Variants in PDE1C observed in about 807,000 individuals in gnomAD.
The protein encoded by PDE1C is dual specificity calcium/calmodulin-dependent 3',5'-cyclic nucleotide phosphodiesterase 1C.
A neutral mutation model predicts 93.1 loss-of-function variants in PDE1C; 62 were observed. The ratio of observed to expected loss-of-function variants is 0.67; its 90% CI spans 0.54 to 0.82. The LOEUF (loss-of-function observed/expected upper bound fraction) is 0.82. Among genes scored for constraint, PDE1C ranks in the 40% least tolerant of loss-of-function variants. The pLI, the probability that PDE1C is intolerant of heterozygous loss-of-function variation, is 0.00. For synonymous variants in PDE1C, 325 were observed against 310.1 expected (o/e 1.05, Z -0.50); for missense variants, 742 against 884.6 (o/e 0.84, Z 2.04).
At chr7:32,216,912 C>T (rs1806473556) in intron 1 of PDE1C, among the ~76,000 whole-genome samples, 1 of 152,168 alleles carries the variant, frequency 6.6e-6, no homozygotes, top group Admixed American at 6.5e-5. Context: ...GCCTTTATGC[C>T]TCTAGCCCCA....
chr7:31,663,591 G>A, the PDE1C span, among the ~76,000 whole-genome samples: 1 of 152,142 alleles, frequency 6.6e-6, no homozygotes, highest in Non-Finnish European at 1.5e-5. Context: ...CTCTCCTCCA[G>A]TTGACCTGCT....
intron 2 of PDE1C, among the ~76,000 whole-genome samples, chr7:31,916,883 G>A (rs1234031046): frequency 6.6e-6 from 1 of 152,188 alleles, no homozygotes; most frequent in Non-Finnish European, 1.5e-5. Flanking sequence ...ATGGACTGGA[G>A]GTCCCCACCA....
chr7:31,648,111 T>G, the PDE1C span, among the ~76,000 whole-genome samples: 1 of 152,146 alleles, frequency 6.6e-6, no homozygotes, highest in South Asian at 2.1e-4. Context: ...TTTCTGAATA[T>G]TAGAAGTGCT....
chr7:31,980,285 T>G (rs571157450), intron 2 of PDE1C, among the ~76,000 whole-genome samples: 1 of 152,338 alleles, frequency 6.6e-6, no homozygotes, highest in African/African-American at 2.4e-5. Flanking sequence ...GAAGTAATTA[T>G]TTTTAGAATA....
intron 1 of PDE1C, among the ~76,000 whole-genome samples, chr7:32,051,953 G>A (rs1465539939): frequency 6.6e-6 from 1 of 152,056 alleles, no homozygotes; most frequent in African/African-American, 2.4e-5. Context: ...CAGAGTAAAT[G>A]GACACAAGCT....
At chr7:32,425,105 A>G (rs60939767) in intron 1 of PDE1C, among the ~76,000 whole-genome samples, 11,409 of 151,590 alleles carry the variant, frequency 0.075, 499 homozygotes, top group Non-Finnish European at 0.095. Context: ...ATACACACAG[A>G]CATTATATTA....
chr7:32,214,516 C>T (rs1313551726), intron 1 of PDE1C, among the ~76,000 whole-genome samples: 1 of 152,148 alleles, frequency 6.6e-6, no homozygotes, highest in Non-Finnish European at 1.5e-5. Flanking sequence ...AGCCCCTGAT[C>T]CCAGTGAGCA....
intron 2 of PDE1C, among the ~76,000 whole-genome samples, chr7:31,978,926 A>C (rs983578178): frequency 1.3e-5 from 2 of 152,162 alleles, no homozygotes; most frequent in African/African-American, 4.8e-5. Context: ...TCCTCATCAT[A>C]AAAATCTCAT....
At chr7:31,748,351 A>G (rs918996057), downstream of PDE1C, among the ~76,000 whole-genome samples, 2 of 152,216 alleles carry the variant, frequency 1.3e-5, no homozygotes, top group African/African-American at 4.8e-5. Flanking sequence ...ATGACCATAC[A>G]TGCATTGTCT....
Position 31,873,505 on chromosome 7 carries a change from G to A in PDE1C, c.493-97C>T, listed in dbSNP as rs111827179. ...TCAAGTCCGCCTGCAGCCCTCACTG[G>A]AGATTTCACAGTGTGACACTCAAAC... On this transcript the variant is annotated intron_variant, in intron 5 of 17. Transcript: ENST00000396191. 10 of 729,354 alleles carry A rather than the reference G, an allele frequency of 1.4e-5. No homozygotes were observed. The African/African-American group carries it at 1.6e-4, about 12-fold the overall frequency. 45.2% of individuals were successfully genotyped at this position (729,354 alleles called of 1,614,324 possible). A position where few individuals can be genotyped will look rare whatever the true frequency, so the allele number is the denominator to read the frequency against.
chr7:31,833,543 A>G (rs930583882), intron 11 of PDE1C, among the ~76,000 whole-genome samples: 6 of 152,200 alleles, frequency 3.9e-5, no homozygotes, highest in African/African-American at 1.4e-4. Flanking sequence ...AATGACATCC[A>G]GGCTGAGGTG....
chr7:31,760,141 T>C (rs1040162317), intron 17 of PDE1C, among the ~76,000 whole-genome samples: 1 of 152,112 alleles, frequency 6.6e-6, no homozygotes, highest in Non-Finnish European at 1.5e-5. Flanking sequence ...GTTAAACTAG[T>C]ATCTTCACAC....
chr7:31,986,966 AAAACT>A (rs1783495949), intron 2 of PDE1C, among the ~76,000 whole-genome samples: 3 of 152,034 alleles, frequency 2.0e-5, no homozygotes, highest in Admixed American at 6.6e-5. Context: ...ATACACACAC[AAAACT>A]AGGAAGAAAC....
chr7:31,838,041 T>TTTTTG (rs1791348588), intron 9 of PDE1C, 70 bp from the exon 10 acceptor site: 2 of 982,308 alleles, frequency 2.0e-6, no homozygotes, highest in East Asian at 4.8e-5. Flanking sequence ...GTGTTTTTTT[T>TTTTTG]TTGCCACTGC....
At chr7:32,103,028 C>T (rs568610697) in intron 3 of PDE1C, among the ~76,000 whole-genome samples, 1 of 152,300 alleles carries the variant, frequency 6.6e-6, no homozygotes, top group African/African-American at 2.4e-5. Flanking sequence ...TCAGTTGCCA[C>T]TTACAAATAA....
At chr7:32,117,282 C>T (rs1039779297) in intron 3 of PDE1C, among the ~76,000 whole-genome samples, 7 of 152,144 alleles carry the variant, frequency 4.6e-5, no homozygotes, top group Non-Finnish European at 1.0e-4. Flanking sequence ...ACTATGGCCA[C>T]GCTCCACTAA....
chr7:32,307,955 G>A (rs1001146232), intron 1 of PDE1C, among the ~76,000 whole-genome samples: 6 of 152,238 alleles, frequency 3.9e-5, no homozygotes, highest in Admixed American at 3.3e-4. Flanking sequence ...GAAGTGCAAG[G>A]GGTCGGGGAG....
At chr7:32,181,240 G>A (rs774932711) in intron 2 of PDE1C, among the ~76,000 whole-genome samples, 2 of 152,018 alleles carry the variant, frequency 1.3e-5, no homozygotes, top group Non-Finnish European at 2.9e-5. Context: ...ACAGATCAAC[G>A]AGACAGAAAG....
intron 9 of PDE1C, among the ~76,000 whole-genome samples, chr7:31,841,808 C>G (rs1047565400): frequency 6.6e-6 from 1 of 152,052 alleles, no homozygotes; most frequent in African/African-American, 2.4e-5. Flanking sequence ...TGACAAGTCC[C>G]AAGATCTGCA....
Sources: gnomAD v4.1 joint callset for allele counts (sites outside exome capture counted in the v4.1 genomes callset) on GRCh38, gnomAD v4.1.1 for gene constraint, MANE v1.5 for transcripts, NCBI Gene and HGNC (gene_info 2026-07-23, HGNC 2026-07-21) for gene names.